KCNT2: variants seen among roughly 807,000 people sequenced by gnomAD.
KCNT2 encodes the protein potassium channel subfamily T member 2.
A neutral mutation model predicts 153.8 loss-of-function variants in KCNT2; 67 were observed. The ratio of observed to expected loss-of-function variants is 0.44; its 90% CI spans 0.36 to 0.53. The LOEUF (loss-of-function observed/expected upper bound fraction) is 0.53. Among genes scored for constraint, KCNT2 ranks in the 20% least tolerant of loss-of-function variants. The pLI is 0.00. For missense variants in KCNT2, 975 were observed against 1,354.8 expected, an observed-to-expected ratio of 0.72 and a Z score of 4.40; for synonymous variants, 500 against 458.8, an observed-to-expected ratio of 1.09 and a Z score of -1.15.
intron 1 of KCNT2, among the ~76,000 whole-genome samples, chr1:196,579,535 C>G (rs1661770622): frequency 6.6e-6 from 1 of 151,866 alleles, no homozygotes; most frequent in Non-Finnish European, 1.5e-5. Context: ...ACTTTGTCAC[C>G]CAGGTTGGAG....
intron 22 of KCNT2, among the ~76,000 whole-genome samples, chr1:196,302,922 T>C (rs1661318058): frequency 6.6e-6 from 1 of 152,032 alleles, no homozygotes. Context: ...CCAGCCTTCC[T>C]ATCCCTGAAT....
At chr1:196,422,098 T>C (rs1249774218) in intron 12 of KCNT2, among the ~76,000 whole-genome samples, 1 of 151,986 alleles carries the variant, frequency 6.6e-6, no homozygotes, top group Non-Finnish European at 1.5e-5. Context: ...ATTCAGCTAA[T>C]AGCAGCCCAC....
chr1:196,432,205 G>T (rs1482218568), intron 8 of KCNT2, among the ~76,000 whole-genome samples: 1 of 152,118 alleles, frequency 6.6e-6, no homozygotes, highest in African/African-American at 2.4e-5. Flanking sequence ...TTGCAGGTGC[G>T]CAAAGAGCAC....
At chr1:196,516,139 C>A (rs1248752765) in intron 1 of KCNT2, among the ~76,000 whole-genome samples, 1 of 152,194 alleles carries the variant, frequency 6.6e-6, no homozygotes, top group African/African-American at 2.4e-5. Flanking sequence ...GCAGGCCCTG[C>A]TTTCATGGCA....
intron 13 of KCNT2, among the ~76,000 whole-genome samples, chr1:196,391,851 C>A (rs1297810971): frequency 6.6e-6 from 1 of 151,076 alleles, no homozygotes; most frequent in Non-Finnish European, 1.5e-5. Context: ...TTCCATAAAT[C>A]TAAAACTATT....
At chr1:196,251,469 A>T (rs1655965977) in intron 26 of KCNT2, among the ~76,000 whole-genome samples, 1 of 152,028 alleles carries the variant, frequency 6.6e-6, no homozygotes, top group African/African-American at 2.4e-5. Flanking sequence ...ATGGAACTGG[A>T]GGTCATTATG....
At chr1:196,536,522 A>G (rs2148861529) in intron 1 of KCNT2, among the ~76,000 whole-genome samples, 1 of 152,342 alleles carries the variant, frequency 6.6e-6, no homozygotes, top group South Asian at 2.1e-4. Flanking sequence ...AGCTAGACCC[A>G]TGTCTAGGGG....
chr1:196,313,010 G>A (rs1662340305), intron 21 of KCNT2, among the ~76,000 whole-genome samples: 1 of 151,586 alleles, frequency 6.6e-6, no homozygotes, highest in African/African-American at 2.4e-5. Flanking sequence ...ACTGGGAGTA[G>A]GAGGAAGAGA....
At chr1:196,417,734 T>A (rs1299374454) in intron 12 of KCNT2, among the ~76,000 whole-genome samples, 1 of 152,104 alleles carries the variant, frequency 6.6e-6, no homozygotes, top group East Asian at 1.9e-4. Context: ...CATTAGACGA[T>A]TTTGTCATTG....
At chr1:196,298,118 T>C (rs571333141) in intron 22 of KCNT2, among the ~76,000 whole-genome samples, 88 of 152,306 alleles carry the variant, frequency 5.8e-4, no homozygotes, top group Admixed American at 2.6e-3. Flanking sequence ...CCACTGACTA[T>C]AAAAGTAATA....
intron 5 of KCNT2, among the ~76,000 whole-genome samples, chr1:196,471,059 T>A (rs1027923093): frequency 1.3e-5 from 2 of 151,682 alleles, no homozygotes; most frequent in African/African-American, 4.8e-5. Flanking sequence ...CTTTTTTTTA[T>A]TCTTTTTTTA....
chr1:196,340,019 G>C (rs1665462887), intron 16 of KCNT2, among the ~76,000 whole-genome samples: 1 of 151,988 alleles, frequency 6.6e-6, no homozygotes, highest in Non-Finnish European at 1.5e-5. Context: ...TAATATCTTA[G>C]ATTGAGGTTT....
At chr1:196,477,255 A>G (rs1262712822) in intron 5 of KCNT2, among the ~76,000 whole-genome samples, 1 of 152,174 alleles carries the variant, frequency 6.6e-6, no homozygotes, top group Non-Finnish European at 1.5e-5. Context: ...ACTAAATAAT[A>G]GTCTGAAGAA....
intron 8 of KCNT2, among the ~76,000 whole-genome samples, chr1:196,462,614 A>C (rs1677247075): frequency 6.6e-6 from 1 of 151,696 alleles, no homozygotes. Flanking sequence ...AAAAAACTAA[A>C]ACTTTTGAGG....
chr1:196,575,295 T>G (rs1466874212), intron 1 of KCNT2, among the ~76,000 whole-genome samples: 1 of 152,164 alleles, frequency 6.6e-6, no homozygotes, highest in Non-Finnish European at 1.5e-5. Flanking sequence ...TTTGAATAAT[T>G]CAATGGTATC....
Position 196,257,656 on chromosome 1 carries a change from T to A in KCNT2, c.3211+538A>T, listed in dbSNP as rs1029575202. 6.2e-6 allele frequency: 6 copies of A among 966,182 alleles called. No individual in the cohort carries two copies. In the South Asian group the frequency reaches 2.9e-4, roughly 46 times the overall value. The allele number at this position is 966,182 out of a possible 1,614,324, so 59.9% of individuals were successfully genotyped here. ...CTATATGGCAATTATGGATCATATA[T>A]AGGAACTGAACAATTATTGAGACAG... On this transcript the variant is annotated intron_variant, in intron 26 of 27. Transcript: ENST00000294725.
intron 26 of KCNT2, chr1:196,257,481 A>T: frequency 1.0e-6 from 1 of 978,288 alleles, no homozygotes; most frequent in Non-Finnish European, 1.2e-6. Context: ...TATACGTAAA[A>T]TAAAACACCT....
chr1:196,329,032 G>GA (rs1441756196), intron 18 of KCNT2, among the ~76,000 whole-genome samples: 1 of 152,002 alleles, frequency 6.6e-6, no homozygotes, highest in Non-Finnish European at 1.5e-5. Flanking sequence ...ATAAATAAAG[G>GA]AAAAAATAAC....
intron 14 of KCNT2, among the ~76,000 whole-genome samples, chr1:196,351,342 A>T (rs765127840): frequency 3.9e-5 from 6 of 152,160 alleles, no homozygotes; most frequent in Non-Finnish European, 8.8e-5. Context: ...ATGAGCATGG[A>T]ATGCTCTTCC....
Sources: gnomAD v4.1 joint callset for allele counts (sites outside exome capture counted in the v4.1 genomes callset) on GRCh38, gnomAD v4.1.1 for gene constraint, MANE v1.5 for transcripts, NCBI Gene and HGNC (gene_info 2026-07-23, HGNC 2026-07-21) for gene names.